The following CADM2 variants were observed in gnomAD, a reference collection of about 807,000 sequenced individuals.
CADM2 encodes immunoglobulin superfamily member 4D.
A neutral mutation model predicts 49.8 loss-of-function variants in CADM2; 12 were observed. The ratio of observed to expected loss-of-function variants is 0.24; its 90% confidence interval spans 0.15 to 0.39. The LOEUF is 0.39. Among genes scored for constraint, CADM2 ranks in the 10% least tolerant of loss-of-function variants. CADM2 has a pLI of 1.00. For missense variants in CADM2, 378 were observed against 492.3 expected (o/e 0.77, Z 2.20); for synonymous variants, 214 against 175.4 (o/e 1.22, Z -1.74).
intron 7 of CADM2, among the ~76,000 whole-genome samples, chr3:85,948,281 G>A (rs1426024853): frequency 4.0e-5 from 6 of 151,320 alleles, no homozygotes; most frequent in Non-Finnish European, 7.4e-5. Context: ...TTAAAAGTTA[G>A]TCTATTGCTC....
At chr3:85,270,554 C>G (rs943071212) in intron 1 of CADM2, among the ~76,000 whole-genome samples, 2 of 151,244 alleles carry the variant, frequency 1.3e-5, no homozygotes, top group Non-Finnish European at 3.0e-5. Context: ...ATCATGCTAT[C>G]TTGCCCTGTG....
At position 86,004,112 on chromosome 3, in the gene CADM2, G is replaced by C. The variant is rs965887045; in HGVS notation, c.970+42465G>C. Among the ~76,000 whole-genome samples the C allele has an allele frequency of 3.3e-5, 5 of 152,112 alleles. 1 individual carries two copies. Among genetic ancestry groups the C allele is most frequent in the African/African-American group, 1.2e-4 (5 of 41,500 alleles). On this transcript the variant is annotated intron_variant, in intron 8 of 9. Coordinates refer to ENST00000383699, the MANE Select transcript of CADM2 (RefSeq NM_001167675.2). ...CTGAGAAAGGAAGATAGTGGTTGCT[G>C]CATGAGGGATTGATGGAGGAGAATG...
At chr3:85,221,607 T>C (rs948172107) in intron 1 of CADM2, among the ~76,000 whole-genome samples, 2 of 152,140 alleles carry the variant, frequency 1.3e-5, no homozygotes, top group African/African-American at 4.8e-5. Context: ...GTTTTTTATG[T>C]AACCATAAGC....
At chr3:85,141,604 T>A (rs993100725) in intron 1 of CADM2, among the ~76,000 whole-genome samples, 1 of 152,206 alleles carries the variant, frequency 6.6e-6, no homozygotes, top group African/African-American at 2.4e-5. Flanking sequence ...CAATATGTTT[T>A]TATATATAAA....
chr3:85,728,645 G>A (rs1292797125), intron 2 of CADM2, among the ~76,000 whole-genome samples: 1 of 152,038 alleles, frequency 6.6e-6, no homozygotes, highest in African/African-American at 2.4e-5. Flanking sequence ...GTACTTACCA[G>A]GGAACCGAGA....
At chr3:85,932,120 A>G (rs1349698477) in intron 6 of CADM2, among the ~76,000 whole-genome samples, 1 of 151,832 alleles carries the variant, frequency 6.6e-6, no homozygotes, top group South Asian at 2.1e-4. Flanking sequence ...TGGCTGTGGA[A>G]CTATGAAAAA....
chr3:85,228,535 T>C (rs1052950648), intron 1 of CADM2, among the ~76,000 whole-genome samples: 4 of 151,962 alleles, frequency 2.6e-5, no homozygotes, highest in African/African-American at 9.7e-5. Flanking sequence ...TTGATGCTAT[T>C]CCTTTCTGTT....
chr3:85,948,524 A>G (rs1723014637), intron 7 of CADM2, among the ~76,000 whole-genome samples: 1 of 151,340 alleles, frequency 6.6e-6, no homozygotes, highest in Non-Finnish European at 1.5e-5. Context: ...GAGATGTGCT[A>G]TTATTTTAAT....
At chr3:86,017,379 A>T (rs1732412206) in intron 8 of CADM2, among the ~76,000 whole-genome samples, 1 of 152,012 alleles carries the variant, frequency 6.6e-6, no homozygotes. Context: ...TTTCTGAAGA[A>T]AAATTATAAA....
At chr3:85,478,817 A>G (rs528391961) in intron 1 of CADM2, among the ~76,000 whole-genome samples, 36 of 152,098 alleles carry the variant, frequency 2.4e-4, no homozygotes, top group African/African-American at 7.9e-4. Flanking sequence ...AATAGGAAAT[A>G]GTATATTGTT....
intron 3 of CADM2, among the ~76,000 whole-genome samples, chr3:85,839,146 C>T (rs1161143556): frequency 6.6e-6 from 1 of 151,734 alleles, no homozygotes; most frequent in Non-Finnish European, 1.5e-5. Flanking sequence ...GACTGTAGTA[C>T]CCTAATTAAC....
At chr3:85,859,294 G>A (rs1350052866) in intron 3 of CADM2, among the ~76,000 whole-genome samples, 4 of 131,148 alleles carry the variant, frequency 3.0e-5, no homozygotes, top group Admixed American at 2.8e-4. Context: ...GCAGTGGTGC[G>A]ATCTTGGCTC....
intron 1 of CADM2, among the ~76,000 whole-genome samples, chr3:85,154,291 T>C (rs573522975): frequency 1.3e-5 from 2 of 152,244 alleles, no homozygotes; most frequent in South Asian, 2.1e-4. Flanking sequence ...ATGTGAAGAA[T>C]GCAGAAGCCT....
intron 1 of CADM2, among the ~76,000 whole-genome samples, chr3:85,540,862 G>C (rs2061522121): frequency 6.6e-6 from 1 of 152,130 alleles, no homozygotes; most frequent in African/African-American, 2.4e-5. Flanking sequence ...AAGGCTTGCA[G>C]ATTCTTCCCA....
intron 2 of CADM2, among the ~76,000 whole-genome samples, chr3:85,752,131 C>T (rs2068887050): frequency 1.3e-5 from 2 of 152,050 alleles, no homozygotes; most frequent in Admixed American, 1.3e-4. Flanking sequence ...CAATACTCAA[C>T]CTGAAGATGC....
chr3:86,065,882 T>A, intron 9 of CADM2, 152 bp downstream of exon 9: 1 of 811,432 alleles, frequency 1.2e-6, no homozygotes, highest in Non-Finnish European at 1.7e-6. Context: ...AATTCTTAAT[T>A]ATTTTACTTA....
intron 8 of CADM2, among the ~76,000 whole-genome samples, chr3:85,998,749 G>C (rs1474439531): frequency 6.6e-6 from 1 of 152,044 alleles, no homozygotes; most frequent in African/African-American, 2.4e-5. Context: ...ATGGAAGATT[G>C]AGAAAGAAAG....
rs139192797 is a variant in CADM2, at chr3:85,759,356, G to T, written c.88+32808G>T. ...ATCAAAATGTTATGTTTTAACACAC[G>T]AATATGGTCTACTATATAAGCATTT... is the stretch of plus-strand genomic sequence containing the variant. On this transcript the variant is annotated intron_variant, in intron 2 of 9. Coordinates refer to ENST00000383699, the MANE Select transcript of CADM2 (RefSeq NM_001167675.2). Among the ~76,000 whole-genome samples the T allele has an allele frequency of 2.2e-3, 338 of 152,078 alleles. 1 individual carries two copies. The highest frequency in any genetic ancestry group is 7.6e-3 in the African/African-American group (317 of 41,518).
intron 1 of CADM2, among the ~76,000 whole-genome samples, chr3:85,243,956 A>G (rs1206417396): frequency 1.3e-5 from 2 of 152,060 alleles, no homozygotes; most frequent in Non-Finnish European, 2.9e-5. Context: ...TATGATTTAA[A>G]TCTCAACCCC....
Sources: allele counts gnomAD v4.1 joint callset (sites outside exome capture counted in the v4.1 genomes callset), GRCh38; gene constraint gnomAD v4.1.1; transcripts MANE v1.5; gene names NCBI Gene and HGNC (gene_info 2026-07-23, HGNC 2026-07-21).